Variants in AHI1 observed in about 807,000 individuals in gnomAD.
AHI1 encodes jouberin.
AHI1 carries 123 observed loss-of-function variants against 149.3 expected under a neutral mutation model. That is an observed-to-expected ratio of 0.82 (90% CI 0.71 to 0.96). The LOEUF is 0.96. Ranked by LOEUF, AHI1 falls within the 40% of genes least tolerant of loss-of-function variation. The probability of loss-of-function intolerance (pLI) is 0.00; values close to 1 mark genes in which losing one functional copy is unlikely to be tolerated. For missense variants in AHI1, 1,439 were observed against 1,422.7 expected, an observed-to-expected ratio of 1.01 and a Z score of -0.18; for synonymous variants, 475 against 459.8, an observed-to-expected ratio of 1.03 and a Z score of -0.42.
At chr6:135,293,236 G>A (rs1782582446) in intron 27 of AHI1, among the ~76,000 whole-genome samples, 1 of 151,522 alleles carries the variant, frequency 6.6e-6, no homozygotes, top group Admixed American at 6.6e-5. Flanking sequence ...ACCTAATAAA[G>A]GGCATTTATA....
At chr6:135,476,239 A>G (rs1166797009) in intron 5 of AHI1, among the ~76,000 whole-genome samples, 1 of 152,132 alleles carries the variant, frequency 6.6e-6, no homozygotes, top group African/African-American at 2.4e-5. Context: ...GAACTTCCAA[A>G]TATTTGGTGA....
At position 135,480,887 on chromosome 6, in the gene AHI1, C is replaced by T. The variant is rs117913496; in HGVS notation, c.135+9736G>A. ...GGAGCAACAACCCTATTACAAATGA[C>T]GCAGGCAAGAGACCTAGGTTGCACG... On this transcript the variant is annotated intron_variant, in intron 5 of 28. Transcript: ENST00000265602. Among the ~76,000 whole-genome samples the T allele has an allele frequency of 7.4e-4, 112 of 152,292 alleles. 1 individual carries two copies. The East Asian group carries it at 0.017, about 23-fold the overall frequency.
intron 24 of AHI1, among the ~76,000 whole-genome samples, chr6:135,350,538 T>C (rs1791925075): frequency 1.3e-5 from 2 of 152,158 alleles, no homozygotes; most frequent in African/African-American, 4.8e-5. Context: ...CATGCTGTTA[T>C]GGAACTTACA....
Position 135,323,145 on chromosome 6 carries a change from G to A in AHI1, c.3328+17C>T. On this transcript the variant is annotated intron_variant, in intron 25 of 28. Transcript: ENST00000265602. The stretch of plus-strand genomic sequence containing the variant: ...TTATACCATACTAGTAAACCAGGAA[G>A]GGAGCATAAAACTTACTTTCACTAG... 1 of 1,593,634 alleles carries A rather than the reference G, an allele frequency of 6.3e-7. No individual in the cohort carries two copies. Among genetic ancestry groups the A allele is most frequent in the Non-Finnish European group, 8.6e-7 (1 of 1,167,342 alleles).
chr6:135,301,281 A>C (rs1783850847), intron 26 of AHI1: 1 of 980,932 alleles, frequency 1.0e-6, no homozygotes. Flanking sequence ...TCACAAAGAA[A>C]ATATAAATTG....
rs142710738 is a variant in AHI1 at position 135,486,154 on chromosome 6, A to G, written c.135+4469T>C. Reference sequence around the variant, plus strand: ...TTCATGCCTTAACATATTTACTTCAAGATTATTAAACAGTTACGATGAAAA... The same window carrying G: ...TTCATGCCTTAACATATTTACTTCAGGATTATTAAACAGTTACGATGAAAA... On this transcript the variant is annotated intron_variant, in intron 5 of 28. Transcript: ENST00000265602. Among the ~76,000 whole-genome samples, 1,481 of 152,322 alleles carry G rather than the reference A, an allele frequency of 9.7e-3. 27 individuals are homozygous for G. Among genetic ancestry groups the G allele is most frequent in the African/African-American group, 0.033 (1,387 of 41,570 alleles).
At chr6:135,477,357 C>T (rs1002763158) in intron 5 of AHI1, among the ~76,000 whole-genome samples, 10 of 152,080 alleles carry the variant, frequency 6.6e-5, no homozygotes, top group African/African-American at 2.4e-4. Flanking sequence ...CCCTCTTTTC[C>T]AACTATCTTT....
At chr6:135,447,187 TTA>T (rs768548685) in intron 12 of AHI1, 27 bp from the exon 13 acceptor site, 1 of 1,443,894 alleles carries the variant, frequency 6.9e-7, no homozygotes, top group Non-Finnish European at 9.2e-7. Context: ...ATATGAAAAT[TTA>T]TATACCATGT....
At chr6:135,488,325 T>G (rs994391401) in intron 5 of AHI1, among the ~76,000 whole-genome samples, 1 of 152,164 alleles carries the variant, frequency 6.6e-6, no homozygotes, top group Admixed American at 6.6e-5. Context: ...CATCATTTAT[T>G]TCTTTCATTT....
At position 135,292,335 on chromosome 6, in the gene AHI1, C is replaced by T. The variant is rs962908857; in HGVS notation, c.3486-1810G>A. Among the ~76,000 whole-genome samples the T allele has an allele frequency of 2.6e-5, 4 of 152,176 alleles. 1 individual carries two copies. Among genetic ancestry groups the T allele is most frequent in the Admixed American group, 1.3e-4 (2 of 15,274 alleles). On this transcript the variant is annotated intron_variant, in intron 27 of 28. Coordinates refer to ENST00000265602, the MANE Select transcript of AHI1 (RefSeq NM_001134831.2). The stretch of plus-strand genomic sequence containing the variant: ...TAAAGCCCACTCTAGGAAGATCAGA[C>T]TGTAGTGATCCTCTTTCTTCTTTTA...
intron 24 of AHI1, among the ~76,000 whole-genome samples, chr6:135,347,926 T>G (rs77326052): frequency 0.015 from 2,287 of 152,362 alleles, 55 homozygotes; most frequent in African/African-American, 0.052. Flanking sequence ...GAAAACTTTA[T>G]GAAGTTTGAT....
Position 135,394,847 on chromosome 6 carries a change from T to G in AHI1, c.3038A>C (p.Gln1013Pro). Residue 1013 changes from glutamine (Q) to proline (P), a missense_variant, in exon 23 of 29, where the codon CAG (glutamine) becomes CCG (proline). Physicochemically the swap from Gln to Pro is moderately conservative, Grantham distance 76 (BLOSUM62 -1). Coordinates refer to ENST00000265602, the MANE Select transcript of AHI1 (RefSeq NM_001134831.2). ...CATGTTTGACTGCTTTAACTTAGAC[T>G]GTTGTGAGGAAACTGCTGGTGGTGA... ...FTSPPAVSSQ[Q>P]SKLKQSNMLT... The G allele has an allele frequency of 6.2e-7, 1 of 1,606,452 alleles. No individual in the cohort carries two copies. Among genetic ancestry groups the G allele is most frequent in the Non-Finnish European group, 8.5e-7 (1 of 1,175,928 alleles).
intron 24 of AHI1, among the ~76,000 whole-genome samples, chr6:135,352,420 G>A (rs1038027092): frequency 2.0e-5 from 3 of 151,944 alleles, no homozygotes; most frequent in African/African-American, 7.3e-5. Flanking sequence ...TGTTACTCTG[G>A]TCTAGCAAAA....
chr6:135,361,831 A>AT (rs201192751), intron 23 of AHI1, among the ~76,000 whole-genome samples: 407 of 151,582 alleles, frequency 2.7e-3, no homozygotes, highest in Middle Eastern at 0.014. Context: ...TTTAAATTTT[A>AT]TTTTTTTTGA....
intron 23 of AHI1, among the ~76,000 whole-genome samples, chr6:135,379,272 A>T (rs1776356919): frequency 1.1e-4 from 16 of 152,006 alleles, no homozygotes; most frequent in Admixed American, 1.0e-3. Flanking sequence ...CATTCACCTA[A>T]ATTAGAAGCC....
intron 23 of AHI1, among the ~76,000 whole-genome samples, chr6:135,377,399 C>T (rs755629583): frequency 6.6e-6 from 1 of 152,054 alleles, no homozygotes; most frequent in Non-Finnish European, 1.5e-5. Flanking sequence ...AGTAGGCCAC[C>T]GAATCTTTAA....
intron 24 of AHI1, among the ~76,000 whole-genome samples, chr6:135,353,053 T>C (rs995821198): frequency 5.9e-5 from 9 of 151,874 alleles, no homozygotes; most frequent in African/African-American, 2.2e-4. Flanking sequence ...AAGAAAAACA[T>C]AAATGCCAGT....
At chr6:135,422,309 G>A (rs1272837139) in intron 20 of AHI1, among the ~76,000 whole-genome samples, 1 of 152,090 alleles carries the variant, frequency 6.6e-6, no homozygotes, top group Non-Finnish European at 1.5e-5. Flanking sequence ...TTGAGACCAG[G>A]CCTAGGATTG....
chr6:135,345,152 G>C (rs1447144321), intron 24 of AHI1, among the ~76,000 whole-genome samples: 3 of 152,080 alleles, frequency 2.0e-5, no homozygotes, highest in Non-Finnish European at 4.4e-5. Context: ...CTATCCACTA[G>C]GACAGCTATA....
Sources: allele counts gnomAD v4.1 joint callset (sites outside exome capture counted in the v4.1 genomes callset), GRCh38; gene constraint gnomAD v4.1.1; transcripts MANE v1.5; gene names NCBI Gene and HGNC (gene_info 2026-07-23, HGNC 2026-07-21).